Variants in MFAP5 observed in about 807,000 individuals in gnomAD.
MFAP5 encodes microfibril associated protein 5.
MFAP5 carries 19 observed loss-of-function variants against 30.1 expected under a neutral mutation model. The observed-to-expected ratio is 0.63, with a 90% CI of 0.44 to 0.93. The LOEUF is 0.93. Among genes scored for constraint, MFAP5 ranks in the 40% least tolerant of loss-of-function variants. MFAP5 has a pLI of 0.00. For missense variants in MFAP5, 210 were observed against 221.3 expected, an observed-to-expected ratio of 0.95 and a Z score of 0.32; for synonymous variants, 92 against 72.9, an observed-to-expected ratio of 1.26 and a Z score of -1.33.
rs1024507725 is a variant in MFAP5 at position 8,646,913 on chromosome 12, G to A, written c.*1178C>T. 2.6e-5 allele frequency: 4 copies of A among 152,110 alleles called. No homozygotes were observed. The highest frequency in any genetic ancestry group is 5.9e-5 in the Non-Finnish European group (4 of 68,042). 9.4% of individuals were successfully genotyped at this position (152,110 alleles called of 1,614,324 possible). On this transcript the variant is annotated 3_prime_UTR_variant, in exon 10 of 10. Transcript: ENST00000359478. ...GCTTCCCAAAGTGCTCAGATTACAG[G>A]CATGAGCCACTGCGCCCAGCAGTAC...
intron 9 of MFAP5, 146 bp downstream of exon 9, chr12:8,649,355 G>C: frequency 1.5e-6 from 1 of 663,230 alleles, no homozygotes; most frequent in Non-Finnish European, 2.6e-6. Context: ...GTTTATTTGA[G>C]ATAACTTCCA....
At chr12:8,661,187 T>C (rs1429768848) in intron 2 of MFAP5, among the ~76,000 whole-genome samples, 2 of 152,170 alleles carry the variant, frequency 1.3e-5, no homozygotes, top group East Asian at 3.8e-4. Flanking sequence ...CTTACCCTCA[T>C]TCCTGGCCAG....
chr12:8,655,363 T>A, intron 5 of MFAP5, 52 bp downstream of exon 5: 1 of 1,406,560 alleles, frequency 7.1e-7, no homozygotes, highest in South Asian at 1.3e-5. Context: ...ATAAATATTG[T>A]GAATATTAAC....
intron 3 of MFAP5, among the ~76,000 whole-genome samples, chr12:8,657,067 A>C (rs1942022267): frequency 6.6e-6 from 1 of 152,232 alleles, no homozygotes; most frequent in South Asian, 2.1e-4. Flanking sequence ...GGATATGTGA[A>C]TTTGCTTGAC....
intron 6 of MFAP5, among the ~76,000 whole-genome samples, chr12:8,653,970 C>T (rs947996303): frequency 1.3e-5 from 2 of 151,982 alleles, no homozygotes; most frequent in African/African-American, 4.8e-5. Flanking sequence ...ACTAAAACTA[C>T]AAAAAATTAG....
At chr12:8,661,018 C>G in intron 2 of MFAP5, 120 bp from the exon 3 acceptor site, 2 of 755,712 alleles carry the variant, frequency 2.6e-6, no homozygotes, top group South Asian at 4.6e-5. Flanking sequence ...GTGACTTATT[C>G]CTATATAGCT....
At chr12:8,648,829 G>A (rs1048537872) in intron 9 of MFAP5, among the ~76,000 whole-genome samples, 6 of 152,186 alleles carry the variant, frequency 3.9e-5, no homozygotes, top group African/African-American at 1.4e-4. Flanking sequence ...TGTCTGTGGT[G>A]TTTTCACCAA....
chr12:8,648,147 A>T lies in MFAP5; in HGVS notation c.466T>A (p.Tyr156Asn). The T allele has an allele frequency of 6.2e-7, 1 of 1,614,020 alleles. No homozygotes were observed. Among genetic ancestry groups the T allele is most frequent in the Non-Finnish European group, 8.5e-7 (1 of 1,179,914 alleles). ...LPPRRLRRSN[Y>N]FRLPPCENVD... ...TTTTCACAGGGAGGAAGTCGGAAGT[A>T]ATTGGAGCGACGGAGTCTCCTAGGG... The change falls in exon 10 of 10, where the codon TAC (tyrosine) becomes AAC (asparagine). Residue 156 changes from tyrosine to asparagine, a missense_variant. By Grantham distance (143) the Tyr-to-Asn change is moderately radical. Coordinates refer to ENST00000359478, the MANE Select transcript of MFAP5 (RefSeq NM_003480.4).
At chr12:8,658,658 T>TG (rs1942069903) in intron 3 of MFAP5, 1 of 152,030 alleles carries the variant, frequency 6.6e-6, no homozygotes, top group Non-Finnish European at 1.5e-5. Flanking sequence ...AGCAAAGCAA[T>TG]GGGGGAACAG....
chr12:8,651,282 T>C (rs1477393092), intron 7 of MFAP5, among the ~76,000 whole-genome samples: 1 of 152,258 alleles, frequency 6.6e-6, no homozygotes, highest in Non-Finnish European at 1.5e-5. Context: ...CCAGTAGTTT[T>C]CAACCCTAGC....
Position 8,651,787 on chromosome 12 carries a change from C to T in MFAP5, c.218-96G>A, listed in dbSNP as rs1025151415. The T allele has an allele frequency of 3.6e-6, 4 of 1,099,812 alleles. No homozygotes were observed. In the East Asian group the frequency reaches 7.1e-5, roughly 19 times the overall value. 68.1% of individuals were successfully genotyped at this position (1,099,812 alleles called of 1,614,324 possible). ...CTCACTTAGGACCTGCTTGGAGTGC[C>T]CATAAATAGGGAGCAAATGAATTAA... On this transcript the variant is annotated intron_variant, in intron 6 of 9. Transcript: ENST00000359478.
intron 4 of MFAP5, 119 bp downstream of exon 4, chr12:8,655,667 C>T: frequency 8.3e-7 from 1 of 1,206,578 alleles, no homozygotes; most frequent in Non-Finnish European, 1.2e-6. Context: ...CAGAACTCTG[C>T]ATGAGCTCAG....
chr12:8,660,900 T>C lies in MFAP5; in HGVS notation c.59-2A>G. ...TATTGACCCCCAGGGGTATCCAGTC[T>C]ATAGCAAAGGAAGAGAAAAGAGATG... On this transcript the variant is annotated splice_acceptor_variant, in intron 2 of 9. Transcript: ENST00000359478. LOFTEE classifies it high-confidence loss of function. The C allele has an allele frequency of 6.2e-7, 1 of 1,611,734 alleles. No homozygotes were observed. The highest frequency in any genetic ancestry group is 8.5e-7 in the Non-Finnish European group (1 of 1,178,014).
chr12:8,654,940 C>CAAA (rs34739708), intron 5 of MFAP5, among the ~76,000 whole-genome samples: 8,763 of 114,460 alleles, frequency 0.077, 312 homozygotes, highest in Middle Eastern at 0.13. Flanking sequence ...GACTCTGTCT[C>CAAA]AAAAAAAAAA....
At chr12:8,650,671 G>T in intron 7 of MFAP5, 82 bp from the exon 8 acceptor site, 1 of 1,173,684 alleles carries the variant, frequency 8.5e-7, no homozygotes, top group Non-Finnish European at 1.3e-6. Flanking sequence ...GGGAAGGATA[G>T]ATAGAGTAGG....
intron 9 of MFAP5, chr12:8,648,543 T>C: frequency 7.8e-7 from 1 of 1,285,446 alleles, no homozygotes; most frequent in Non-Finnish European, 1.0e-6. Context: ...TGCCAATTCT[T>C]CTAATCATGG....
At position 8,660,869 on chromosome 12, in the gene MFAP5, G is replaced by A. The variant is rs962247688; in HGVS notation, c.88C>T (p.Arg30Ter). The A allele has an allele frequency of 8.1e-6, 13 of 1,611,520 alleles. No homozygotes were observed. The highest frequency in any genetic ancestry group is 6.7e-5 in the East Asian group (3 of 44,824). The change falls in exon 3 of 10, where the codon CGA becomes TGA. Residue 30 changes from arginine to a stop codon, truncating the protein, a stop_gained. Coordinates refer to ENST00000359478, the MANE Select transcript of MFAP5 (RefSeq NM_003480.4). LOFTEE classifies it high-confidence loss of function. ...DWIPLGVNSQRGDDVTQATPE... is the reference protein window; with the variant it reads ...DWIPLGVNSQ ...TATCCAAGGGTTCACCTACCTCCTC[G>A]TTGACTATTGACCCCCAGGGGTATC...
intron 3 of MFAP5, among the ~76,000 whole-genome samples, chr12:8,656,438 C>G (rs1459030153): frequency 6.8e-6 from 1 of 146,760 alleles, no homozygotes; most frequent in Non-Finnish European, 1.5e-5. Flanking sequence ...TTTTAAGAGT[C>G]TCGCTCTGTC....
Position 8,655,399 on chromosome 12 carries a change from C to G in MFAP5, c.172+16G>C. 1 of 1,575,564 alleles carries G rather than the reference C, an allele frequency of 6.3e-7. No individual in the cohort carries two copies. Among genetic ancestry groups the G allele is most frequent in the Non-Finnish European group, 8.6e-7 (1 of 1,159,754 alleles). On this transcript the variant is annotated intron_variant, in intron 5 of 9. Coordinates refer to ENST00000359478, the MANE Select transcript of MFAP5 (RefSeq NM_003480.4). ...AAGAACCATGCCATTTTTTTTTTAA[C>G]TGCGGTAAAATTTACCTGTTTCATC... is the stretch of plus-strand genomic sequence containing the variant.
Sources: allele counts gnomAD v4.1 joint callset (sites outside exome capture counted in the v4.1 genomes callset), GRCh38; gene constraint gnomAD v4.1.1; transcripts MANE v1.5; gene names NCBI Gene and HGNC (gene_info 2026-07-23, HGNC 2026-07-21).